AFF1: variants seen among roughly 807,000 people sequenced by gnomAD.
AFF1 encodes AF4/FMR2 family member 1.
Under a neutral mutation model 121.7 loss-of-function variants are expected in AFF1, and 48 were observed. The ratio of observed to expected loss-of-function variants is 0.39; its 90% CI spans 0.31 to 0.50. The LOEUF (loss-of-function observed/expected upper bound fraction) is 0.50. AFF1 is among the 20% of genes least tolerant of loss of function. The pLI is 0.76. For synonymous variants in AFF1, 613 were observed against 563.0 expected, an observed-to-expected ratio of 1.09 and a Z score of -1.26; for missense variants, 1,523 against 1,511.7, an observed-to-expected ratio of 1.01 and a Z score of -0.12.
intron 5 of AFF1, among the ~76,000 whole-genome samples, chr4:87,088,239 G>C (rs1463280037): frequency 6.6e-6 from 1 of 152,132 alleles, no homozygotes; most frequent in East Asian, 1.9e-4. Context: ...CTCCTGTTGT[G>C]TCCTGAACAA....
At chr4:87,127,163 G>GTTTT (rs1491191362) in intron 15 of AFF1, 46 bp downstream of exon 15, 3 of 1,154,222 alleles carry the variant, frequency 2.6e-6, no homozygotes, top group Middle Eastern at 2.2e-4. Context: ...GTTTTGTTTT[G>GTTTT]CTTCCCCCCC....
chr4:87,112,879 G>A (rs1355139103), intron 11 of AFF1, among the ~76,000 whole-genome samples: 1 of 152,142 alleles, frequency 6.6e-6, no homozygotes, highest in African/African-American at 2.4e-5. Flanking sequence ...TAAGGACAGC[G>A]ATGTATAGTC....
intron 5 of AFF1, among the ~76,000 whole-genome samples, chr4:87,084,959 T>TA (rs1369045945): frequency 6.6e-6 from 1 of 152,222 alleles, no homozygotes; most frequent in African/African-American, 2.4e-5. Context: ...GCCTCATACA[T>TA]ACAGCCTTTT....
At chr4:87,111,308 C>G (rs1479686153) in intron 11 of AFF1, among the ~76,000 whole-genome samples, 1 of 149,024 alleles carries the variant, frequency 6.7e-6, no homozygotes, top group Middle Eastern at 3.2e-3. Flanking sequence ...TGAGCCACCG[C>G]GCCCGGCCTT....
At chr4:86,953,483 C>T (rs1721520082) in intron 2 of AFF1, among the ~76,000 whole-genome samples, 1 of 152,140 alleles carries the variant, frequency 6.6e-6, no homozygotes, top group Non-Finnish European at 1.5e-5. Context: ...AAGTCATAAG[C>T]GTGGACAGAA....
At chr4:87,037,133 T>C (rs1276048465) in intron 2 of AFF1, among the ~76,000 whole-genome samples, 1 of 152,210 alleles carries the variant, frequency 6.6e-6, no homozygotes, top group African/African-American at 2.4e-5. Context: ...CAGTATTTCT[T>C]TATCCCCAGT....
chr4:86,936,735 C>G (rs1182050922), intron 1 of AFF1, among the ~76,000 whole-genome samples: 1 of 152,138 alleles, frequency 6.6e-6, no homozygotes, highest in Admixed American at 6.6e-5. Context: ...ATGGAAAATT[C>G]TGGATGGTTT....
intron 13 of AFF1, 156 bp downstream of exon 13, chr4:87,125,299 C>T (rs1225213179): frequency 2.2e-6 from 1 of 457,292 alleles, no homozygotes; most frequent in Non-Finnish European, 3.8e-6. Context: ...TTTCTTGCAT[C>T]CATGAGGACC....
intron 4 of AFF1, among the ~76,000 whole-genome samples, chr4:87,056,719 A>C (rs367562792): frequency 2.2e-4 from 33 of 152,344 alleles, no homozygotes; most frequent in African/African-American, 7.5e-4. Context: ...AAAGAAAGAC[A>C]CAGGCACAGT....
chr4:87,090,964 G>A (rs1013166389), intron 6 of AFF1, among the ~76,000 whole-genome samples: 66 of 123,326 alleles, frequency 5.4e-4, no homozygotes, highest in African/African-American at 1.9e-3. Flanking sequence ...GCAGTGAGCT[G>A]TAATTAAGCC....
chr4:86,997,973 C>T (rs932972185), intron 2 of AFF1, among the ~76,000 whole-genome samples: 6 of 151,918 alleles, frequency 3.9e-5, no homozygotes, highest in Non-Finnish European at 7.4e-5. Flanking sequence ...TGGCACATGC[C>T]TGTAATCACA....
chr4:87,127,668 G>C lies in AFF1; in HGVS notation c.2929G>C (p.Glu977Gln). 1 of 1,614,094 alleles carries C rather than the reference G, an allele frequency of 6.2e-7. No individual in the cohort carries two copies. ...DKQQADLHMREAKKMKQKAEL... is the reference protein window; with the variant it reads ...DKQQADLHMRQAKKMKQKAEL... ...ACAACAAGCAGACCTTCACATGAGG[G>C]AGGCAAAAAAGATGAAGCAGAAAGC... Residue 977 changes from glutamate (E) to glutamine (Q), a missense_variant, in exon 16 of 21, where the codon GAG becomes CAG. Glu to Gln is a conservative substitution (Grantham distance 29, BLOSUM62 2). Transcript: ENST00000395146.
At chr4:87,003,226 C>G (rs151029984) in intron 2 of AFF1, among the ~76,000 whole-genome samples, 35 of 152,158 alleles carry the variant, frequency 2.3e-4, no homozygotes, top group Middle Eastern at 6.8e-3. Context: ...TTCCATATAT[C>G]TTTGGGGGTA....
At chr4:87,009,324 C>A in intron 2 of AFF1, among the ~76,000 whole-genome samples, 1 of 152,216 alleles carries the variant, frequency 6.6e-6, no homozygotes, top group East Asian at 1.9e-4. Flanking sequence ...CACTTCCTCC[C>A]TTATGCTTCC....
intron 4 of AFF1, among the ~76,000 whole-genome samples, chr4:87,070,561 A>G (rs536076670): frequency 1.3e-5 from 2 of 152,406 alleles, no homozygotes; most frequent in African/African-American, 4.8e-5. Flanking sequence ...CAGCCTAAAT[A>G]TGATGTATGT....
intron 4 of AFF1, among the ~76,000 whole-genome samples, chr4:87,080,953 A>G (rs994494765): frequency 1.3e-5 from 2 of 152,168 alleles, no homozygotes; most frequent in East Asian, 1.9e-4. Context: ...TAGGTTTACA[A>G]TGTGTTTTGG....
At chr4:87,115,347 G>C in intron 12 of AFF1, 48 bp downstream of exon 12, 8 of 1,479,558 alleles carry the variant, frequency 5.4e-6, no homozygotes, top group South Asian at 1.3e-5. Flanking sequence ...CATCCTTGCT[G>C]TTGGCCTGGC....
chr4:86,973,657 A>C (rs1264374637), intron 2 of AFF1, among the ~76,000 whole-genome samples: 1 of 152,198 alleles, frequency 6.6e-6, no homozygotes, highest in Non-Finnish European at 1.5e-5. Flanking sequence ...TTTCTTACCT[A>C]GACTCAGCAA....
At chr4:86,997,219 G>A (rs1464748060) in intron 2 of AFF1, among the ~76,000 whole-genome samples, 1 of 152,124 alleles carries the variant, frequency 6.6e-6, no homozygotes, top group Non-Finnish European at 1.5e-5. Flanking sequence ...GCCTGAACTG[G>A]TGGCTTTATA....
Sources: gnomAD v4.1 joint callset for allele counts (sites outside exome capture counted in the v4.1 genomes callset) on GRCh38, gnomAD v4.1.1 for gene constraint, MANE v1.5 for transcripts, NCBI Gene and HGNC (gene_info 2026-07-23, HGNC 2026-07-21) for gene names.